Variants in GRID1 observed in about 807,000 individuals in gnomAD.
GRID1 encodes glutamate ionotropic receptor delta type subunit 1, also known as glutamate receptor ionotropic, delta-1.
GRID1 carries 28 observed loss-of-function variants against 98.0 expected under a neutral mutation model. The ratio of observed to expected loss-of-function variants is 0.29; its 90% CI spans 0.21 to 0.39. The LOEUF (loss-of-function observed/expected upper bound fraction) is 0.39. Among genes scored for constraint, GRID1 ranks in the 10% least tolerant of loss-of-function variants. GRID1 has a pLI of 1.00. For missense variants in GRID1, 1,111 were observed against 1,340.5 expected, an observed-to-expected ratio of 0.83 and a Z score of 2.67; for synonymous variants, 553 against 538.5, an observed-to-expected ratio of 1.03 and a Z score of -0.37.
At chr10:86,199,415 T>A (rs1181777966) in intron 3 of GRID1, among the ~76,000 whole-genome samples, 1 of 152,126 alleles carries the variant, frequency 6.6e-6, no homozygotes, top group Non-Finnish European at 1.5e-5. Flanking sequence ...AATGCCACAA[T>A]AAATCTTTGT....
rs543690200 is a variant in GRID1 at position 85,737,252 on chromosome 10, T to C, written c.1234-7638A>G. ...GTGTTAAGTGTCCAGAGGACAGAGC[T>C]GTAAGAAACTAAAAGAAGAGTGAAA... On this transcript the variant is annotated intron_variant, in intron 8 of 15. Transcript: ENST00000327946. 2.0e-3 allele frequency among the ~76,000 whole-genome samples: 298 copies of C among 152,208 alleles called. 2 individuals carry two copies. Among genetic ancestry groups the C allele is most frequent in the Non-Finnish European group, 3.1e-3 (214 of 68,016 alleles).
At chr10:86,176,527 G>A (rs571119387) in intron 3 of GRID1, among the ~76,000 whole-genome samples, 98 of 152,346 alleles carry the variant, frequency 6.4e-4, no homozygotes, top group South Asian at 6.2e-3. Context: ...CAGCACTGCC[G>A]GAGACCAAAG....
chr10:86,351,320 A>C (rs2132116796), intron 2 of GRID1, among the ~76,000 whole-genome samples: 1 of 152,360 alleles, frequency 6.6e-6, no homozygotes, highest in Admixed American at 6.5e-5. Context: ...ACACGGGCTA[A>C]TGGGATTTCT....
chr10:85,887,183 G>A (rs1249892951), intron 5 of GRID1, among the ~76,000 whole-genome samples: 3 of 152,160 alleles, frequency 2.0e-5, no homozygotes, highest in Non-Finnish European at 4.4e-5. Flanking sequence ...TTGCATTCAG[G>A]TCCCTATAGA....
chr10:85,928,460 T>C (rs1438602149), intron 4 of GRID1, among the ~76,000 whole-genome samples: 1 of 152,202 alleles, frequency 6.6e-6, no homozygotes, highest in African/African-American at 2.4e-5. Flanking sequence ...AGTGTGGGAA[T>C]CGGCACTGGC....
chr10:85,647,377 T>A lies in GRID1; in HGVS notation c.2018A>T (p.Lys673Ile). ...AGTGCCATAAGACATTTCCACTTGT[T>A]TGGACAGGTCCTGGAAAGTCCTGAA... ...NPIRTFQDLS[K>I]QVEMSYGTVR... is the part of the protein sequence containing the mutation. The change falls in exon 13 of 16, where the codon AAA becomes ATA. Residue 673 changes from lysine to isoleucine, a missense_variant. By Grantham distance (102) the Lys-to-Ile change is moderately radical (BLOSUM62 -3). Transcript: ENST00000327946. 6.2e-7 allele frequency: 1 copy of A among 1,614,184 alleles called. No homozygotes were observed. The highest frequency in any genetic ancestry group is 1.1e-5 in the South Asian group (1 of 91,082).
At chr10:85,962,441 A>C (rs1365479823) in intron 4 of GRID1, among the ~76,000 whole-genome samples, 1 of 152,186 alleles carries the variant, frequency 6.6e-6, no homozygotes, top group Non-Finnish European at 1.5e-5. Flanking sequence ...CACCTGACAA[A>C]CGTTAGAACT....
At chr10:85,890,222 A>C (rs902390536) in intron 5 of GRID1, among the ~76,000 whole-genome samples, 4 of 152,070 alleles carry the variant, frequency 2.6e-5, no homozygotes, top group Admixed American at 2.0e-4. Context: ...CTGGTAATCT[A>C]TTGACCATCG....
intron 12 of GRID1, among the ~76,000 whole-genome samples, chr10:85,664,351 G>T (rs946535330): frequency 1.3e-4 from 20 of 152,228 alleles, no homozygotes; most frequent in Non-Finnish European, 2.8e-4. Context: ...CTGTGGTCCT[G>T]TAGCCAGTAA....
At chr10:86,112,967 G>T (rs915574231) in intron 4 of GRID1, among the ~76,000 whole-genome samples, 52 of 152,120 alleles carry the variant, frequency 3.4e-4, no homozygotes, top group African/African-American at 1.2e-3. Context: ...TAGAAGTTGG[G>T]TATTTAAAGT....
At chr10:85,728,194 T>A in intron 9 of GRID1, 142 bp from the exon 10 acceptor site, 1 of 671,818 alleles carries the variant, frequency 1.5e-6, no homozygotes, top group Non-Finnish European at 2.6e-6. Flanking sequence ...TCTCTGCCTT[T>A]TTCTAAAAGC....
At chr10:85,710,458 A>G (rs1242298595) in intron 12 of GRID1, among the ~76,000 whole-genome samples, 2 of 152,154 alleles carry the variant, frequency 1.3e-5, no homozygotes, top group African/African-American at 4.8e-5. Flanking sequence ...TACACCATAC[A>G]CAAAAATTAA....
chr10:85,837,100 G>A (rs753609837), intron 8 of GRID1, among the ~76,000 whole-genome samples: 35 of 150,058 alleles, frequency 2.3e-4, no homozygotes, highest in African/African-American at 6.7e-4. Flanking sequence ...CCCCACCACC[G>A]ACTGTCACTG....
At chr10:85,612,138 G>T (rs1385331749) in intron 15 of GRID1, among the ~76,000 whole-genome samples, 8 of 152,184 alleles carry the variant, frequency 5.3e-5, no homozygotes, top group Admixed American at 5.2e-4. Context: ...ATAATGCAGA[G>T]TCCTGTAAGG....
chr10:86,086,620 G>C (rs1396431549), intron 4 of GRID1, among the ~76,000 whole-genome samples: 1 of 152,170 alleles, frequency 6.6e-6, no homozygotes, highest in Non-Finnish European at 1.5e-5. Flanking sequence ...GTGCGCAAGT[G>C]TGTGTGTGTG....
chr10:85,882,164 C>A (rs917273731), intron 5 of GRID1, among the ~76,000 whole-genome samples: 1 of 152,186 alleles, frequency 6.6e-6, no homozygotes, highest in Non-Finnish European at 1.5e-5. Context: ...AACACTTTTA[C>A]ACCATTGGTG....
At chr10:85,734,237 A>G (rs947430241) in intron 8 of GRID1, among the ~76,000 whole-genome samples, 1 of 152,252 alleles carries the variant, frequency 6.6e-6, no homozygotes, top group Admixed American at 6.5e-5. Context: ...GGAGCTCTGT[A>G]AACTGTTGAG....
chr10:86,071,587 A>T (rs936479181), intron 4 of GRID1, among the ~76,000 whole-genome samples: 2 of 152,242 alleles, frequency 1.3e-5, no homozygotes, highest in African/African-American at 4.8e-5. Context: ...CATTAAACTC[A>T]TAAGCCTTCC....
At chr10:86,103,579 C>A (rs1844332229) in intron 4 of GRID1, among the ~76,000 whole-genome samples, 1 of 152,210 alleles carries the variant, frequency 6.6e-6, no homozygotes, top group Non-Finnish European at 1.5e-5. Context: ...TGCAGACAGG[C>A]CCCGGAGGAA....
Sources: allele counts gnomAD v4.1 joint callset (sites outside exome capture counted in the v4.1 genomes callset), GRCh38; gene constraint gnomAD v4.1.1; transcripts MANE v1.5; gene names NCBI Gene and HGNC (gene_info 2026-07-23, HGNC 2026-07-21).